The following MUCL1 variants were observed in gnomAD, a reference collection of about 807,000 sequenced individuals.
The protein encoded by MUCL1 is mucin like 1.
Under a neutral mutation model 9.2 loss-of-function variants are expected in MUCL1, and 11 were observed. The observed-to-expected ratio is 1.19, with a 90% confidence interval of 0.75 to 1.97. MUCL1 has a LOEUF of 1.97. Ranked by LOEUF, MUCL1 falls within the 30% of genes most tolerant of loss-of-function variation. The pLI, the probability that MUCL1 is intolerant of heterozygous loss-of-function variation, is 0.00. For synonymous variants in MUCL1, 48 were observed against 40.5 expected (o/e 1.19, Z -0.71); for missense variants, 144 against 110.9 (o/e 1.30, Z -1.34).
chr12:54,856,718 T>G, intron 2 of MUCL1, 52 bp from the exon 3 acceptor site: 1 of 1,558,594 alleles, frequency 6.4e-7, no homozygotes, highest in Non-Finnish European at 8.7e-7. Context: ...GTGGGATAAA[T>G]TTTGTTCCAG....
At chr12:54,851,445 AC>A (rs1479190589), upstream of MUCL1, among the ~76,000 whole-genome samples, 1 of 152,224 alleles carries the variant, frequency 6.6e-6, no homozygotes, top group Non-Finnish European at 1.5e-5. Context: ...AAGGCCTTTG[AC>A]AAAATTCAAC....
intron 1 of MUCL1, chr12:54,839,525 G>T (rs1027577859): frequency 2.9e-6 from 2 of 700,202 alleles, no homozygotes; most frequent in Non-Finnish European, 5.2e-6. Context: ...TCAGTGAAAT[G>T]CACTGAGGTC....
chr12:54,851,170 A>T (rs4359292), upstream of MUCL1, among the ~76,000 whole-genome samples: 151,349 of 152,268 alleles, frequency 0.99, 75,222 homozygotes, highest in Middle Eastern at 1. Context: ...TTTAATTACA[A>T]CCCATTTGTC....
At chr12:54,834,411 C>T (rs1447571951), upstream of MUCL1, among the ~76,000 whole-genome samples, 3 of 151,942 alleles carry the variant, frequency 2.0e-5, no homozygotes, top group African/African-American at 7.2e-5. Flanking sequence ...TTCTTTTCAT[C>T]GTCTAATTGT....
intron 3 of MUCL1, 115 bp downstream of exon 3, chr12:54,857,007 T>G: frequency 6.9e-7 from 1 of 1,458,560 alleles, no homozygotes; most frequent in South Asian, 1.3e-5. Flanking sequence ...CTTTACATTG[T>G]TCTCTAAATC....
chr12:54,844,510 A>G (rs1223974444), intron 1 of MUCL1, among the ~76,000 whole-genome samples: 2 of 152,180 alleles, frequency 1.3e-5, no homozygotes, highest in Non-Finnish European at 2.9e-5. Flanking sequence ...TATAAATCTC[A>G]TCTCTCTCTA....
chr12:54,845,618 C>T (rs535772282), intron 1 of MUCL1, among the ~76,000 whole-genome samples: 1 of 152,046 alleles, frequency 6.6e-6, no homozygotes, highest in Non-Finnish European at 1.5e-5. Flanking sequence ...GTAGGGTACA[C>T]TTGGTTCATC....
At chr12:54,852,552 A>G (rs1868260211), upstream of MUCL1, among the ~76,000 whole-genome samples, 1 of 152,214 alleles carries the variant, frequency 6.6e-6, no homozygotes, top group Middle Eastern at 3.2e-3. Flanking sequence ...AATTCTTTGT[A>G]TCACACTTTT....
intron 1 of MUCL1, among the ~76,000 whole-genome samples, chr12:54,843,417 C>A (rs550405434): frequency 2.0e-5 from 3 of 152,230 alleles, no homozygotes; most frequent in African/African-American, 7.2e-5. Context: ...CTTTGAAAGA[C>A]AGAATATTGG....
intron 1 of MUCL1, among the ~76,000 whole-genome samples, chr12:54,839,737 C>T (rs1162018655): frequency 6.6e-6 from 1 of 152,092 alleles, no homozygotes; most frequent in African/African-American, 2.4e-5. Flanking sequence ...GAGGGCACTC[C>T]TTGTGTGGGG....
upstream of MUCL1, among the ~76,000 whole-genome samples, chr12:54,834,584 T>C (rs551131903): frequency 6.6e-6 from 1 of 152,218 alleles, no homozygotes; most frequent in East Asian, 1.9e-4. Flanking sequence ...TAACATTCTC[T>C]TTACATAGTT....
chr12:54,842,036 G>C (rs1456968739), intron 1 of MUCL1, among the ~76,000 whole-genome samples: 1 of 151,980 alleles, frequency 6.6e-6, no homozygotes, highest in Non-Finnish European at 1.5e-5. Context: ...ATATAGAAAA[G>C]AATCAACTAA....
chr12:54,852,444 G>T (rs955831487), upstream of MUCL1, among the ~76,000 whole-genome samples: 2 of 152,162 alleles, frequency 1.3e-5, no homozygotes, highest in Admixed American at 1.3e-4. Context: ...TGGGAAATCT[G>T]GCTAGCCATA....
chr12:54,848,535 CTTT>C (rs1959289483), intron 1 of MUCL1, among the ~76,000 whole-genome samples: 1 of 152,042 alleles, frequency 6.6e-6, no homozygotes. Flanking sequence ...GATTGGAAAA[CTTT>C]TTTATTTTTA....
upstream of MUCL1, among the ~76,000 whole-genome samples, chr12:54,851,365 A>T (rs982285003): frequency 6.6e-6 from 1 of 152,190 alleles, no homozygotes; most frequent in African/African-American, 2.4e-5. Flanking sequence ...TATGCAAATC[A>T]ATACACGTAA....
intron 1 of MUCL1, among the ~76,000 whole-genome samples, chr12:54,833,144 T>C (rs1959187567): frequency 6.6e-6 from 1 of 152,144 alleles, no homozygotes; most frequent in Non-Finnish European, 1.5e-5. Context: ...CTAGGTCCTT[T>C]TTCCTTGGCT....
At chr12:54,851,786 A>C (rs1249441372), upstream of MUCL1, among the ~76,000 whole-genome samples, 2 of 151,852 alleles carry the variant, frequency 1.3e-5, no homozygotes, top group Non-Finnish European at 2.9e-5. Flanking sequence ...AAATCTCCTT[A>C]AGCTGATAAG....
chr12:54,841,056 G>A (rs1370374105), intron 1 of MUCL1, among the ~76,000 whole-genome samples: 1 of 143,828 alleles, frequency 7.0e-6, no homozygotes, highest in Non-Finnish European at 1.6e-5. Context: ...TTATTTTTAA[G>A]CTTCTACATG....
rs1417031643 is a variant in MUCL1, at chr12:54,844,411, C to A, written c.43+4964C>A. On this transcript the variant is annotated intron_variant, in intron 1 of 3. Transcript: ENST00000546809. ...GAGCTTCATGCTTAACAGGGATGAA[C>A]CATGACACACATTTATAAAATCCTA... Among the ~76,000 whole-genome samples, 3 of 152,100 alleles carry A rather than the reference C, an allele frequency of 2.0e-5. No homozygotes were observed. In the East Asian group the frequency reaches 5.8e-4, roughly 29 times the overall value.
Sources: gnomAD v4.1 joint callset for allele counts (sites outside exome capture counted in the v4.1 genomes callset) on GRCh38, gnomAD v4.1.1 for gene constraint, MANE v1.5 for transcripts, NCBI Gene and HGNC (gene_info 2026-07-23, HGNC 2026-07-21) for gene names.